The following RBMS2 variants were observed in gnomAD, a reference collection of about 807,000 sequenced individuals.
The protein encoded by RBMS2 is RNA binding motif single stranded interacting protein 2, also known as RNA-binding motif, single-stranded-interacting protein 2.
A neutral mutation model predicts 58.4 loss-of-function variants in RBMS2; 38 were observed. The ratio of observed to expected loss-of-function variants is 0.65; its 90% CI spans 0.50 to 0.85. The LOEUF (loss-of-function observed/expected upper bound fraction) is 0.85, where lower values mean the gene tolerates loss of function less well. Ranked by LOEUF, RBMS2 falls within the 40% of genes least tolerant of loss-of-function variation. The probability of loss-of-function intolerance (pLI) is 0.00; values close to 1 mark genes in which losing one functional copy is unlikely to be tolerated. For missense variants in RBMS2, 367 were observed against 503.7 expected (o/e 0.73, Z 2.60); for synonymous variants, 151 against 180.7 (o/e 0.84, Z 1.32).
chr12:56,522,774 C>A (rs867724951), intron 1 of RBMS2, among the ~76,000 whole-genome samples: 4 of 152,132 alleles, frequency 2.6e-5, no homozygotes, highest in African/African-American at 9.7e-5. Context: ...CCCATGGCTG[C>A]CAGAGAATTG....
rs1395689853 is a variant in RBMS2, at chr12:56,594,312, T to C, written c.*5179T>C. 6.6e-6 allele frequency: 1 copy of C among 152,242 alleles called. No individual in the cohort carries two copies. The highest frequency in any genetic ancestry group is 1.5e-5 in the Non-Finnish European group (1 of 68,044). The allele number at this position is 152,242 out of a possible 1,614,324, so 9.4% of individuals were successfully genotyped here. The stretch of plus-strand genomic sequence containing the variant: ...CCCACCTTCTGGGCAAGTGGCAGCA[T>C]TGCGCTCATGAGGGGCTTTGCATTC... On this transcript the variant is annotated 3_prime_UTR_variant, in exon 14 of 14. Coordinates refer to ENST00000262031, the MANE Select transcript of RBMS2 (RefSeq NM_002898.4).
At chr12:56,552,311 CAGT>C (rs1250852006) in intron 1 of RBMS2, among the ~76,000 whole-genome samples, 1 of 152,190 alleles carries the variant, frequency 6.6e-6, no homozygotes, top group African/African-American at 2.4e-5. Context: ...GAAACCTAGA[CAGT>C]ACCCACTTGG....
intron 1 of RBMS2, among the ~76,000 whole-genome samples, chr12:56,548,443 T>C (rs577673474): frequency 6.6e-6 from 1 of 152,182 alleles, no homozygotes; most frequent in African/African-American, 2.4e-5. Context: ...TAAAACTCTG[T>C]CTCAAAGAAC....
chr12:56,576,816 G>A (rs748702814), intron 5 of RBMS2, among the ~76,000 whole-genome samples: 6 of 151,792 alleles, frequency 4.0e-5, no homozygotes, highest in Non-Finnish European at 5.9e-5. Flanking sequence ...TGAGGTGGGC[G>A]GATCACTTGA....
intron 2 of RBMS2, among the ~76,000 whole-genome samples, chr12:56,567,317 G>A (rs1161247111): frequency 2.0e-5 from 3 of 151,420 alleles, no homozygotes; most frequent in Non-Finnish European, 2.9e-5. Context: ...CCTGGGAGGC[G>A]GAGGGTGCAG....
In RBMS2 at chr12:56,589,591, C is replaced by T. The variant is rs868273449; in HGVS notation, c.*458C>T. The T allele has an allele frequency of 7.8e-5, 14 of 180,600 alleles. No homozygotes were observed. The highest frequency in any genetic ancestry group is 3.5e-4 in the South Asian group (3 of 8,650). The allele number at this position is 180,600 out of a possible 1,614,324, so 11.2% of individuals were successfully genotyped here. On this transcript the variant is annotated 3_prime_UTR_variant, in exon 14 of 14. Coordinates refer to ENST00000262031, the MANE Select transcript of RBMS2 (RefSeq NM_002898.4). ...ACAGAAAGGTGTGGTGCTGGAACAT[C>T]GATGAAGGAGCCCTACTTACTGAGC... is the stretch of plus-strand genomic sequence containing the variant.
At chr12:56,564,394 G>A (rs761272946) in intron 2 of RBMS2, among the ~76,000 whole-genome samples, 32 of 151,974 alleles carry the variant, frequency 2.1e-4, no homozygotes, top group Non-Finnish European at 4.4e-4. Context: ...TTTAAGACAG[G>A]ATCTTGTTCT....
At chr12:56,560,702 T>G (rs1436398745) in intron 1 of RBMS2, among the ~76,000 whole-genome samples, 2 of 152,142 alleles carry the variant, frequency 1.3e-5, no homozygotes, top group Non-Finnish European at 2.9e-5. Flanking sequence ...GACCAGTGTA[T>G]TATTATTATT....
Position 56,557,910 on chromosome 12 carries a change from G to A in RBMS2, c.67-4507G>A, listed in dbSNP as rs1414452961. Among the ~76,000 whole-genome samples the A allele has an allele frequency of 4.9e-5, 7 of 142,096 alleles. No individual in the cohort carries two copies. In the Admixed American group the frequency reaches 5.0e-4, roughly 10 times the overall value. The allele number at this position is 142,096 out of a possible 152,430, so 93.2% of individuals were successfully genotyped here. ...TGCACCACCACGCCCGGCTAATTTC[G>A]TATTTTTAGCAGAGACGGGGTTTCT... On this transcript the variant is annotated intron_variant, in intron 1 of 13. Coordinates refer to ENST00000262031, the MANE Select transcript of RBMS2 (RefSeq NM_002898.4).
chr12:56,570,430 C>G (rs1592456825), intron 4 of RBMS2, among the ~76,000 whole-genome samples: 1 of 152,142 alleles, frequency 6.6e-6, no homozygotes, highest in South Asian at 2.1e-4. Context: ...GCTGGGGAGG[C>G]AGGAGGGAAG....
intron 1 of RBMS2, among the ~76,000 whole-genome samples, chr12:56,530,512 C>T (rs369891450): frequency 6.6e-6 from 1 of 151,724 alleles, no homozygotes; most frequent in Non-Finnish European, 1.5e-5. Flanking sequence ...TGGCTCACGC[C>T]ATCACACTTG....
intron 8 of RBMS2, 83 bp from the exon 9 acceptor site, chr12:56,581,976 G>A (rs1884018432): frequency 1.9e-6 from 3 of 1,576,068 alleles, no homozygotes; most frequent in Admixed American, 3.4e-5. Flanking sequence ...GAAAGTCAAG[G>A]GAACGTTGGC....
chr12:56,548,549 C>T (rs1364740510), intron 1 of RBMS2, among the ~76,000 whole-genome samples: 1 of 152,130 alleles, frequency 6.6e-6, no homozygotes, highest in African/African-American at 2.4e-5. Flanking sequence ...AGAAAGTGGA[C>T]TTTCTCTTAT....
At position 56,595,201 on chromosome 12, in the gene RBMS2, G is replaced by A. The variant is rs1885638719; in HGVS notation, c.*6068G>A. 1 of 152,174 alleles carries A rather than the reference G, an allele frequency of 6.6e-6. No homozygotes were observed. Among genetic ancestry groups the A allele is most frequent in the Non-Finnish European group, 1.5e-5 (1 of 68,036 alleles). 9.4% of individuals were successfully genotyped at this position (152,174 alleles called of 1,614,324 possible). A position where few individuals can be genotyped will look rare whatever the true frequency, so the allele number is the denominator to read the frequency against. On this transcript the variant is annotated 3_prime_UTR_variant, in exon 14 of 14. Transcript: ENST00000262031. ...TGTGAAGGTAACCAAACACCAAAGAGGGAGTCTGTCATTTTTATAAGGCTG... is the reference window on the plus strand; with the variant it reads ...TGTGAAGGTAACCAAACACCAAAGAAGGAGTCTGTCATTTTTATAAGGCTG...
intron 5 of RBMS2, among the ~76,000 whole-genome samples, chr12:56,572,447 A>C (rs1424167774): frequency 1.3e-5 from 2 of 151,940 alleles, no homozygotes; most frequent in African/African-American, 4.8e-5. Flanking sequence ...TGCCTCAGCC[A>C]CCTAAGCAGT....
intron 1 of RBMS2, among the ~76,000 whole-genome samples, chr12:56,540,655 T>C (rs1460458285): frequency 6.6e-6 from 1 of 152,160 alleles, no homozygotes; most frequent in Non-Finnish European, 1.5e-5. Context: ...GCTGGGATTA[T>C]AGGCAAGAAT....
At chr12:56,580,532 G>A (rs952808707) in intron 5 of RBMS2, among the ~76,000 whole-genome samples, 5 of 151,000 alleles carry the variant, frequency 3.3e-5, no homozygotes, top group African/African-American at 7.3e-5. Flanking sequence ...CGCACCCGGC[G>A]GATCAGAGGG....
intron 1 of RBMS2, among the ~76,000 whole-genome samples, chr12:56,552,498 T>G (rs1216079799): frequency 6.6e-6 from 1 of 151,998 alleles, no homozygotes; most frequent in Non-Finnish European, 1.5e-5. Context: ...CTTCTCAGAG[T>G]GAGCAGCCAC....
chr12:56,580,359 A>G, intron 5 of RBMS2: 1 of 361,424 alleles, frequency 2.8e-6, no homozygotes, highest in Non-Finnish European at 5.4e-6. Flanking sequence ...CTGCCTCCTG[A>G]GTAGCTGGGA....
Sources: allele counts gnomAD v4.1 joint callset (sites outside exome capture counted in the v4.1 genomes callset), GRCh38; gene constraint gnomAD v4.1.1; transcripts MANE v1.5; gene names NCBI Gene and HGNC (gene_info 2026-07-23, HGNC 2026-07-21).